Variants in TTC19 observed in about 807,000 individuals in gnomAD.
TTC19 encodes the protein tetratricopeptide repeat domain 19, also known as tetratricopeptide repeat protein 19, mitochondrial.
A neutral mutation model predicts 49.5 loss-of-function variants in TTC19; 38 were observed. The observed-to-expected ratio is 0.77, with a 90% CI of 0.59 to 1.01. The LOEUF is 1.01. TTC19 is among the 50% of genes least tolerant of loss of function. The probability of loss-of-function intolerance (pLI) is 0.00; values close to 1 mark genes in which losing one functional copy is unlikely to be tolerated. For synonymous variants in TTC19, 204 were observed against 185.2 expected, an observed-to-expected ratio of 1.10 and a Z score of -0.83; for missense variants, 475 against 477.7, an observed-to-expected ratio of 0.99 and a Z score of 0.05.
At chr17:16,003,391 C>T (rs1013512525) in intron 4 of TTC19, among the ~76,000 whole-genome samples, 3 of 151,568 alleles carry the variant, frequency 2.0e-5, no homozygotes, top group African/African-American at 7.3e-5. Flanking sequence ...GCTGGGATTC[C>T]AGGCGTGTGC....
At chr17:16,016,465 G>C (rs1173467264) in intron 7 of TTC19, among the ~76,000 whole-genome samples, 2 of 151,162 alleles carry the variant, frequency 1.3e-5, no homozygotes, top group Non-Finnish European at 2.9e-5. Flanking sequence ...GTTGAATGGA[G>C]TTTTCTATGA....
intron 2 of TTC19, among the ~76,000 whole-genome samples, chr17:16,037,323 T>C (rs1002480747): frequency 9.2e-5 from 14 of 151,912 alleles, no homozygotes; most frequent in Non-Finnish European, 1.8e-4. Flanking sequence ...ATTACCAAAA[T>C]ATGACACAGA....
chr17:16,041,561 C>CAT lies in TTC19; in HGVS notation c.248-2942_248-2941insAT, dbSNP rs1475645890. On this transcript the variant is annotated intron_variant, in intron 2 of 2. Transcript: ENST00000470649. ...CCCGAGCAGCTGGGATTATAGGCCC[C>CAT]CCGCCACCATGCCCAGCTAATTTTT... Among the ~76,000 whole-genome samples the CAT allele has an allele frequency of 5.3e-5, 8 of 151,428 alleles. No homozygotes were observed. The East Asian group carries it at 1.4e-3, about 26-fold the overall frequency.
At chr17:16,038,824 G>A (rs1336520383) in intron 2 of TTC19, among the ~76,000 whole-genome samples, 4 of 152,166 alleles carry the variant, frequency 2.6e-5, no homozygotes, top group Non-Finnish European at 4.4e-5. Context: ...AGGCTGGAGT[G>A]CAGTGGTGTG....
At chr17:16,023,720 G>GA (rs1971454950) in intron 7 of TTC19, 2 of 152,120 alleles carry the variant, frequency 1.3e-5, no homozygotes, top group Admixed American at 6.5e-5. Context: ...TTTTCACATT[G>GA]AAAATCAGAT....
chr17:16,022,638 C>T (rs1471136523), intron 7 of TTC19, among the ~76,000 whole-genome samples: 3 of 152,130 alleles, frequency 2.0e-5, no homozygotes, highest in Non-Finnish European at 4.4e-5. Context: ...TATAATTGCT[C>T]CAGTACTTTA....
At chr17:16,025,221 T>C (rs1178375654) in intron 8 of TTC19, 50 bp downstream of exon 8, 4 of 1,579,880 alleles carry the variant, frequency 2.5e-6, no homozygotes, top group East Asian at 2.3e-5. Flanking sequence ...GGCTTCAAAA[T>C]TGAAGGGTGT....
At chr17:16,008,110 T>A (rs1040731183) in intron 7 of TTC19, among the ~76,000 whole-genome samples, 2 of 152,210 alleles carry the variant, frequency 1.3e-5, no homozygotes, top group Non-Finnish European at 2.9e-5. Flanking sequence ...TTAGGGCTGT[T>A]TTCAGCCCTA....
Position 16,004,270 on chromosome 17 carries a change from C to A in TTC19, c.581+8C>A. On this transcript the variant is annotated splice_region_variant and intron_variant, in intron 6 of 9. Coordinates refer to ENST00000261647, the MANE Select transcript of TTC19 (RefSeq NM_017775.4). The stretch of plus-strand genomic sequence containing the variant: ...CTATGCTGCGCAGAACAGGTAAGTA[C>A]AGCAGCCAGGGAGTAGGACTGTGGG... The A allele has an allele frequency of 6.2e-7, 1 of 1,613,592 alleles. No individual in the cohort carries two copies.
downstream of TTC19, among the ~76,000 whole-genome samples, chr17:16,033,540 T>C (rs1362136781): frequency 2.0e-5 from 3 of 152,120 alleles, no homozygotes; most frequent in East Asian, 1.9e-4. Flanking sequence ...AATTTACATA[T>C]ATCTTACAGG....
At chr17:16,004,159 A>G in intron 5 of TTC19, 42 bp from the exon 6 acceptor site, 1 of 1,591,096 alleles carries the variant, frequency 6.3e-7, no homozygotes. Context: ...CCATGAAAAA[A>G]TTTACTTGTT....
At chr17:16,023,598 G>T (rs972753247) in intron 7 of TTC19, 1 of 152,162 alleles carries the variant, frequency 6.6e-6, no homozygotes, top group African/African-American at 2.4e-5. Context: ...GTTGTTGGTT[G>T]AAGATTCATT....
intron 2 of TTC19, chr17:16,034,844 T>G (rs1973851119): frequency 1.6e-5 from 26 of 1,614,122 alleles, no homozygotes; most frequent in Non-Finnish European, 2.2e-5. Flanking sequence ...CAGAGGAGAC[T>G]GAAGAGGGCC....
chr17:16,004,361 A>ATG, intron 6 of TTC19, 99 bp downstream of exon 6: 3 of 1,145,808 alleles, frequency 2.6e-6, no homozygotes, highest in Non-Finnish European at 4.0e-6. Context: ...GGTCTCCCAG[A>ATG]AATTGGGTGT....
chr17:16,018,411 A>G (rs1271893181), intron 7 of TTC19, among the ~76,000 whole-genome samples: 2 of 152,104 alleles, frequency 1.3e-5, no homozygotes, highest in Admixed American at 1.3e-4. Flanking sequence ...CCCCTCTTCC[A>G]TCAGTTTTCT....
At chr17:16,011,523 A>C (rs1371781771) in intron 7 of TTC19, among the ~76,000 whole-genome samples, 3 of 152,208 alleles carry the variant, frequency 2.0e-5, no homozygotes, top group Admixed American at 2.0e-4. Context: ...TATTTGGGGA[A>C]GGAGTGGAGA....
At position 16,029,029 on chromosome 17, in the gene TTC19, A is replaced by G; in HGVS notation, c.*1507A>G. 1 of 449,898 alleles carries G rather than the reference A, an allele frequency of 2.2e-6. No individual in the cohort carries two copies. Among genetic ancestry groups the G allele is most frequent in the Non-Finnish European group, 4.4e-6 (1 of 225,628 alleles). The allele number at this position is 449,898 out of a possible 1,614,324, so 27.9% of individuals were successfully genotyped here. On this transcript the variant is annotated 3_prime_UTR_variant, in exon 10 of 10. Transcript: ENST00000261647. The stretch of plus-strand genomic sequence containing the variant: ...AGCTCAGAGAGATAAGATACAATAT[A>G]AATCAGACTGTTTCAGTAGAAACCA...
chr17:16,038,721 T>C (rs1013764347), intron 2 of TTC19, among the ~76,000 whole-genome samples: 7 of 152,106 alleles, frequency 4.6e-5, no homozygotes, highest in African/African-American at 1.2e-4. Flanking sequence ...TACACCTTTT[T>C]TCCTACTCTT....
intron 7 of TTC19, among the ~76,000 whole-genome samples, chr17:16,019,502 T>A (rs1245303587): frequency 6.6e-6 from 1 of 152,226 alleles, no homozygotes; most frequent in Non-Finnish European, 1.5e-5. Context: ...AGGCCCTGTT[T>A]GCTTGCCAAA....
Sources: allele counts gnomAD v4.1 joint callset (sites outside exome capture counted in the v4.1 genomes callset), GRCh38; gene constraint gnomAD v4.1.1; transcripts MANE v1.5; gene names NCBI Gene and HGNC (gene_info 2026-07-23, HGNC 2026-07-21).